ADAMTS7: variants seen among roughly 807,000 people sequenced by gnomAD.
The protein encoded by ADAMTS7 is A disintegrin and metalloproteinase with thrombospondin motifs 7.
A neutral mutation model predicts 172.6 loss-of-function variants in ADAMTS7; 89 were observed. The observed-to-expected ratio is 0.52, with a 90% CI of 0.43 to 0.61. ADAMTS7 has a LOEUF of 0.61. Among genes scored for constraint, ADAMTS7 ranks in the 20% least tolerant of loss-of-function variants. ADAMTS7 has a pLI of 0.00. For missense variants in ADAMTS7, 1,973 were observed against 2,355.6 expected (o/e 0.84, Z 3.36); for synonymous variants, 885 against 978.4 (o/e 0.90, Z 1.78).
At chr15:78,773,488 G>A (rs1481216681) in intron 13 of ADAMTS7, among the ~76,000 whole-genome samples, 1 of 151,782 alleles carries the variant, frequency 6.6e-6, no homozygotes, top group African/African-American at 2.4e-5. Context: ...AAAGCCTGCG[G>A]GCAGGCAGGG....
At chr15:78,778,291 A>C (rs1266184803) in intron 8 of ADAMTS7, among the ~76,000 whole-genome samples, 1 of 152,224 alleles carries the variant, frequency 6.6e-6, no homozygotes, top group Non-Finnish European at 1.5e-5. Flanking sequence ...GGCTGCTCAG[A>C]CACAACACCA....
chr15:78,802,007 ATT>A (rs1002041164), intron 1 of ADAMTS7, among the ~76,000 whole-genome samples: 1 of 149,140 alleles, frequency 6.7e-6, no homozygotes, highest in African/African-American at 2.5e-5. Flanking sequence ...ATAATTTTTT[ATT>A]TTTTTTTGTA....
chr15:78,772,365 C>G (rs932944080), intron 14 of ADAMTS7, among the ~76,000 whole-genome samples: 6 of 152,354 alleles, frequency 3.9e-5, no homozygotes, highest in Non-Finnish European at 8.8e-5. Context: ...GCGGTATGAG[C>G]AGCCTCCATG....
At chr15:78,801,036 C>G (rs946215353) in intron 1 of ADAMTS7, among the ~76,000 whole-genome samples, 1 of 152,240 alleles carries the variant, frequency 6.6e-6, no homozygotes, top group Non-Finnish European at 1.5e-5. Context: ...CCACTGCGCC[C>G]GGCCTGGATT....
intron 11 of ADAMTS7, among the ~76,000 whole-genome samples, chr15:78,775,602 C>T (rs186354035): frequency 3.5e-4 from 53 of 151,852 alleles, no homozygotes; most frequent in African/African-American, 1.2e-3. Context: ...GAGGTGAAGT[C>T]GCTCACGTCA....
rs1410061613 is a variant in ADAMTS7 at position 78,771,616 on chromosome 15, G to A, written c.2345C>T (p.Pro782Leu). 17 of 1,600,670 alleles carry A rather than the reference G, an allele frequency of 1.1e-5. No individual in the cohort carries two copies. The highest frequency in any genetic ancestry group is 4.4e-5 in the South Asian group (4 of 90,672). ...RRGNWENLTS[P>L]GPTKEPVWIQ... The stretch of plus-strand genomic sequence containing the variant: ...CCAGACAGGCTCCTTGGTGGGACCC[G>A]GGGACGTGAGGTTCTCCCAGTTGCC... Residue 782 changes from proline to leucine, a missense_variant, in exon 15 of 24, where the codon CCG (proline) becomes CTG (leucine). Coordinates refer to ENST00000388820, the MANE Select transcript of ADAMTS7 (RefSeq NM_014272.5). This position sits in a 1 kb window ranked among gnomAD's most constrained non-coding sequence, Gnocchi z 4.9.
chr15:78,788,395 C>T (rs556958819), intron 7 of ADAMTS7, 21 bp from the exon 8 acceptor site: 4 of 1,610,408 alleles, frequency 2.5e-6, no homozygotes, highest in African/African-American at 2.7e-5. Context: ...GCACAGGCCC[C>T]AGGGGCGGGT....
At chr15:78,763,478 C>A (rs578204816) in intron 22 of ADAMTS7, among the ~76,000 whole-genome samples, 2 of 152,372 alleles carry the variant, frequency 1.3e-5, no homozygotes, top group South Asian at 4.1e-4. Flanking sequence ...AACCCCAGAC[C>A]CCTCCTTGGA....
At position 78,773,089 on chromosome 15, in the gene ADAMTS7, C is replaced by T; in HGVS notation, c.2125G>A (p.Gly709Ser). The change falls in exon 14 of 24, where the codon GGC becomes AGC. Residue 709 changes from glycine to serine, a missense_variant. Physicochemically the swap from Gly to Ser is moderately conservative, Grantham distance 56 (BLOSUM62 0). This residue lies in a region of ADAMTS7 where 771 missense variants were observed against 952.6 expected (regional missense o/e 0.81). Transcript: ENST00000388820. ...CAGCGGTCCCACCCCATACCCAGGC[C>T]CTCGGCCTCCTCGAAGGTCCCGCTC... Reference protein sequence around the residue: ...TVSGTFEEAEGLGYVDVGLIP... With the variant: ...TVSGTFEEAESLGYVDVGLIP... The T allele has an allele frequency of 1.3e-6, 2 of 1,504,686 alleles. No homozygotes were observed. The highest frequency in any genetic ancestry group is 2.4e-5 in the South Asian group (2 of 83,584). The allele number at this position is 1,504,686 out of a possible 1,614,324, so 93.2% of individuals were successfully genotyped here.
chr15:78,790,203 C>G (rs966631768), intron 6 of ADAMTS7, among the ~76,000 whole-genome samples: 4 of 152,298 alleles, frequency 2.6e-5, no homozygotes, highest in South Asian at 4.1e-4. Flanking sequence ...AAACGGGTAG[C>G]ATGAGACATC....
rs1380147477 is a variant in ADAMTS7 at position 78,789,718 on chromosome 15, G to A, written c.1149C>T (p.Ala383=). ...SINEDTGLPL[A]FTVAHELGHS... is the part of the protein sequence containing the mutation. ...GCCCGAGCTCGTGGGCTACAGTGAA[G>A]GCCAGCGGCAGGCCCGTGTCCTCGT... Residue 383 remains alanine (A), a synonymous_variant, in exon 7 of 24, where the codon GCC becomes GCT. Coordinates refer to ENST00000388820, the MANE Select transcript of ADAMTS7 (RefSeq NM_014272.5). 3 of 1,613,832 alleles carry A rather than the reference G, an allele frequency of 1.9e-6. No individual in the cohort carries two copies. Among genetic ancestry groups the A allele is most frequent in the Non-Finnish European group, 2.5e-6 (3 of 1,179,992 alleles).
rs1042168749 is a variant in ADAMTS7 at position 78,765,088 on chromosome 15, C to A, written c.4267-381G>T. On this transcript the variant is annotated intron_variant, in intron 19 of 23. Coordinates refer to ENST00000388820, the MANE Select transcript of ADAMTS7 (RefSeq NM_014272.5). ...TACCAGCAGCCAAATCGCTGGGTATCCCTGCGCAAAACAAGCCCTGTGGGC... is the reference window on the plus strand; with the variant it reads ...TACCAGCAGCCAAATCGCTGGGTATACCTGCGCAAAACAAGCCCTGTGGGC... 3.1e-5 allele frequency: 7 copies of A among 227,356 alleles called. No individual in the cohort carries two copies. In the Admixed American group the frequency reaches 3.5e-4, roughly 11 times the overall value. 14.1% of individuals were successfully genotyped at this position (227,356 alleles called of 1,614,324 possible). A position where few individuals can be genotyped will look rare whatever the true frequency, so the allele number is the denominator to read the frequency against.
In ADAMTS7 at chr15:78,798,023, C is replaced by T. The variant is rs375673803; in HGVS notation, c.547G>A (p.Val183Met). ...CTCTCCGGGGCCTGACGCTTGTACA[C>T]CACATGGGGCTGGGCGTGGCCAGGC... The part of the protein sequence containing the change: ...ARPGHAQPHV[V>M]YKRQAPERLA... The change falls in exon 3 of 24, where the codon GTG becomes ATG. Residue 183 changes from valine (V) to methionine (M), a missense_variant. Transcript: ENST00000388820. 6.3e-7 allele frequency: 1 copy of T among 1,576,120 alleles called. No homozygotes were observed. Among genetic ancestry groups the T allele is most frequent in the Non-Finnish European group, 8.6e-7 (1 of 1,166,688 alleles).
intron 22 of ADAMTS7, among the ~76,000 whole-genome samples, chr15:78,763,172 G>A (rs1006607651): frequency 1.3e-5 from 2 of 152,192 alleles, no homozygotes; most frequent in Admixed American, 6.5e-5. Flanking sequence ...ACCCAGCAAC[G>A]CAAAGCAACC....
At chr15:78,785,452 G>A (rs1027615787) in intron 8 of ADAMTS7, among the ~76,000 whole-genome samples, 9 of 151,710 alleles carry the variant, frequency 5.9e-5, no homozygotes, top group African/African-American at 2.2e-4. Flanking sequence ...GGGAGGCTGA[G>A]GCATGAGACT....
chr15:78,793,824 C>T (rs574884408), intron 4 of ADAMTS7, among the ~76,000 whole-genome samples: 77 of 152,340 alleles, frequency 5.1e-4, no homozygotes, highest in African/African-American at 1.9e-3. Context: ...TGCCCCTCTC[C>T]AGGGCAGGTT....
In ADAMTS7 at chr15:78,771,743, G is replaced by C; in HGVS notation, c.2218C>G (p.Arg740Gly). The change falls in exon 15 of 24, where the codon CGG becomes GGG. Residue 740 changes from arginine to glycine, a missense_variant. Coordinates refer to ENST00000388820, the MANE Select transcript of ADAMTS7 (RefSeq NM_014272.5). This position sits in a 1 kb window ranked among gnomAD's most constrained non-coding sequence, Gnocchi z 4.9. ...AAGTACTTCTCCGGGTCCTCGCTCC[G>C]CAGTGCCAGGAAGTTGGCAGCCTCG... Reference protein sequence around the residue: ...VAEAANFLALRSEDPEKYFLN... With the variant: ...VAEAANFLALGSEDPEKYFLN... The C allele has an allele frequency of 6.2e-7, 1 of 1,611,538 alleles. No homozygotes were observed. The highest frequency in any genetic ancestry group is 1.8e-4 in the Middle Eastern group (1 of 5,576).
At chr15:78,781,422 G>T (rs1466070735) in intron 8 of ADAMTS7, among the ~76,000 whole-genome samples, 2 of 152,162 alleles carry the variant, frequency 1.3e-5, no homozygotes, top group Admixed American at 1.3e-4. Flanking sequence ...GACCTTGGGA[G>T]GATGGGGTTC....
At chr15:78,805,542 G>A (rs2055776881) in intron 1 of ADAMTS7, among the ~76,000 whole-genome samples, 1 of 152,134 alleles carries the variant, frequency 6.6e-6, no homozygotes, top group Admixed American at 6.5e-5. Flanking sequence ...CTGCAAGTAG[G>A]CTCCCTTTCC....
Sources: gnomAD v4.1 joint callset for allele counts (sites outside exome capture counted in the v4.1 genomes callset) on GRCh38, gnomAD v4.1.1 for gene constraint, gnomAD v4.1.1 regional missense constraint, Gnocchi (gnomAD v3.1) non-coding constraint, MANE v1.5 for transcripts, NCBI Gene and HGNC (gene_info 2026-07-23, HGNC 2026-07-21) for gene names.